L2HGDH: variants seen among roughly 807,000 people sequenced by gnomAD.
L2HGDH encodes the protein L-2-hydroxyglutarate dehydrogenase, mitochondrial.
A neutral mutation model predicts 51.5 loss-of-function variants in L2HGDH; 34 were observed. The observed-to-expected ratio is 0.66, with a 90% CI of 0.50 to 0.88. The LOEUF (loss-of-function observed/expected upper bound fraction) is 0.88, where lower values mean the gene tolerates loss of function less well. Ranked by LOEUF, L2HGDH falls within the 40% of genes least tolerant of loss-of-function variation. The pLI, the probability that L2HGDH is intolerant of heterozygous loss-of-function variation, is 0.00. For synonymous variants in L2HGDH, 198 were observed against 197.9 expected, an observed-to-expected ratio of 1.00 and a Z score of -0.01; for missense variants, 558 against 571.9, an observed-to-expected ratio of 0.98 and a Z score of 0.25.
chr14:50,268,789 G>GC (rs1889501548), intron 7 of L2HGDH, among the ~76,000 whole-genome samples: 2 of 152,120 alleles, frequency 1.3e-5, no homozygotes, highest in South Asian at 4.1e-4. Flanking sequence ...CTACAGAGTG[G>GC]CCACATCCCT....
intron 8 of L2HGDH, among the ~76,000 whole-genome samples, chr14:50,266,559 T>C (rs1200324022): frequency 6.6e-6 from 1 of 152,162 alleles, no homozygotes; most frequent in African/African-American, 2.4e-5. Flanking sequence ...GGAGAACTGA[T>C]TGATCCCAGG....
At chr14:50,296,815 A>G (rs1161469061) in intron 3 of L2HGDH, among the ~76,000 whole-genome samples, 1 of 152,204 alleles carries the variant, frequency 6.6e-6, no homozygotes, top group Admixed American at 6.5e-5. Flanking sequence ...CCAAAACCAG[A>G]TATCGTAAGA....
intron 3 of L2HGDH, among the ~76,000 whole-genome samples, chr14:50,297,497 A>T (rs2030129292): frequency 6.6e-6 from 1 of 152,188 alleles, no homozygotes; most frequent in Non-Finnish European, 1.5e-5. Flanking sequence ...TAAAAAATGA[A>T]AGTAGGAAAA....
At chr14:50,306,672 G>A (rs1354857807) in intron 1 of L2HGDH, among the ~76,000 whole-genome samples, 1 of 150,700 alleles carries the variant, frequency 6.6e-6, no homozygotes. Context: ...TGGCTGCTGC[G>A]TGTTGGTGGA....
At chr14:50,311,911 C>T (rs1252326303) in intron 1 of L2HGDH, 100 bp downstream of exon 1, 9 of 1,491,046 alleles carry the variant, frequency 6.0e-6, no homozygotes, top group Non-Finnish European at 7.2e-6. Flanking sequence ...CCTGCTCTCA[C>T]CCCGGGACAG....
At chr14:50,266,689 T>C (rs950415962) in intron 8 of L2HGDH, among the ~76,000 whole-genome samples, 10 of 152,200 alleles carry the variant, frequency 6.6e-5, no homozygotes, top group Non-Finnish European at 1.5e-4. Flanking sequence ...TGCACATATG[T>C]ATATATTTTT....
intron 6 of L2HGDH, among the ~76,000 whole-genome samples, chr14:50,274,543 C>T (rs993251712): frequency 1.3e-5 from 2 of 151,998 alleles, no homozygotes; most frequent in African/African-American, 2.4e-5. Context: ...ACAGTAAGGA[C>T]GTTTCTCAAA....
chr14:50,301,732 G>A (rs2030419835), intron 3 of L2HGDH, among the ~76,000 whole-genome samples: 1 of 152,142 alleles, frequency 6.6e-6, no homozygotes. Context: ...GAAAAAGCCT[G>A]AAATTAGATA....
rs779462929 is a variant in L2HGDH at position 50,267,897 on chromosome 14, C to T, written c.920G>A (p.Arg307Gln). 26 of 1,613,838 alleles carry T rather than the reference C, an allele frequency of 1.6e-5. No homozygotes were observed. Among genetic ancestry groups the T allele is most frequent in the African/African-American group, 4.0e-5 (3 of 74,916 alleles). Residue 307 changes from arginine to glutamine, a missense_variant, in exon 8 of 10, where the codon CGG (arginine) becomes CAG (glutamine). Physicochemically the swap from Arg to Gln is conservative, Grantham distance 43. Coordinates refer to ENST00000267436, the MANE Select transcript of L2HGDH (RefSeq NM_024884.3). ...KGNIYPVPDS[R>Q]FPFLGVHFTP... ...GAAGTGAACTCCTAGGAAAGGAAAC[C>T]GGCTATCTGGGACCTATAAATTTAA...
chr14:50,266,481 G>GA (rs1889341436), intron 8 of L2HGDH, among the ~76,000 whole-genome samples: 1 of 151,980 alleles, frequency 6.6e-6, no homozygotes, highest in African/African-American at 2.4e-5. Flanking sequence ...TGTCTCTACA[G>GA]AAAACACAAA....
intron 7 of L2HGDH, 88 bp downstream of exon 7, chr14:50,269,075 T>A: frequency 1.6e-6 from 2 of 1,231,516 alleles, no homozygotes; most frequent in Non-Finnish European, 2.4e-6. Context: ...ATTTCTCTTA[T>A]TTCTGACCCA....
At chr14:50,309,790 C>A (rs2030965531) in intron 1 of L2HGDH, among the ~76,000 whole-genome samples, 1 of 151,816 alleles carries the variant, frequency 6.6e-6, no homozygotes, top group Non-Finnish European at 1.5e-5. Flanking sequence ...TCAAGCGATC[C>A]TCCTGCCTCA....
chr14:50,299,368 G>C (rs1201621748), intron 3 of L2HGDH, among the ~76,000 whole-genome samples: 1 of 152,108 alleles, frequency 6.6e-6, no homozygotes, highest in Non-Finnish European at 1.5e-5. Flanking sequence ...GAACCTGATG[G>C]CTTCACTGCT....
chr14:50,267,246 G>A (rs1298855256), intron 8 of L2HGDH, among the ~76,000 whole-genome samples: 5 of 151,056 alleles, frequency 3.3e-5, no homozygotes, highest in Admixed American at 6.6e-5. Flanking sequence ...CAGTGGCAGC[G>A]ATCTCAGCTC....
At chr14:50,290,095 C>G (rs1374490059) in intron 4 of L2HGDH, among the ~76,000 whole-genome samples, 1 of 151,990 alleles carries the variant, frequency 6.6e-6, no homozygotes, top group Non-Finnish European at 1.5e-5. Flanking sequence ...GAAACCCTGT[C>G]TCTACTAAAA....
At chr14:50,261,143 T>G (rs1239759187) in intron 9 of L2HGDH, among the ~76,000 whole-genome samples, 1 of 151,898 alleles carries the variant, frequency 6.6e-6, no homozygotes, top group Non-Finnish European at 1.5e-5. Context: ...TACAATGAAC[T>G]GGACACTCCT....
chr14:50,299,206 A>G (rs80190354), intron 3 of L2HGDH, among the ~76,000 whole-genome samples: 14,192 of 152,200 alleles, frequency 0.093, 762 homozygotes, highest in Non-Finnish European at 0.12. Flanking sequence ...ATATATGCCA[A>G]TAAGTTAGAA....
At chr14:50,254,793 CT>C (rs570512922) in intron 9 of L2HGDH, among the ~76,000 whole-genome samples, 71 of 152,124 alleles carry the variant, frequency 4.7e-4, no homozygotes, top group African/African-American at 1.7e-3. Flanking sequence ...AATCCTAGAA[CT>C]TTGGGAGGCC....
intron 4 of L2HGDH, among the ~76,000 whole-genome samples, chr14:50,292,574 C>T (rs956752819): frequency 1.1e-4 from 17 of 151,996 alleles, no homozygotes; most frequent in East Asian, 3.9e-4. Context: ...AGCATGGTGG[C>T]GCATGTCTGT....
Sources: allele counts gnomAD v4.1 joint callset (sites outside exome capture counted in the v4.1 genomes callset), GRCh38; gene constraint gnomAD v4.1.1; transcripts MANE v1.5; gene names NCBI Gene and HGNC (gene_info 2026-07-23, HGNC 2026-07-21).